Variants in NDUFS3 observed in about 807,000 individuals in gnomAD.
NDUFS3 encodes the protein NADH:ubiquinone oxidoreductase core subunit S3.
NDUFS3 carries 19 observed loss-of-function variants against 30.8 expected under a neutral mutation model. The observed-to-expected ratio is 0.62, with a 90% CI of 0.43 to 0.91. The LOEUF (loss-of-function observed/expected upper bound fraction) is 0.91. Ranked by LOEUF, NDUFS3 falls within the 40% of genes least tolerant of loss-of-function variation. NDUFS3 has a pLI of 0.00. For missense variants in NDUFS3, 331 were observed against 342.0 expected (o/e 0.97, Z 0.25); for synonymous variants, 153 against 135.8 (o/e 1.13, Z -0.88).
intron 4 of NDUFS3, chr11:47,581,532 A>G (rs4256934): frequency 0.99 from 214,691 of 216,760 alleles, 106,350 homozygotes; most frequent in Middle Eastern, 1. Context: ...TAGAATGGTT[A>G]TAAGGATCCA....
At chr11:47,581,278 T>G (rs1424320349) in intron 4 of NDUFS3, 2 of 395,346 alleles carry the variant, frequency 5.1e-6, no homozygotes, top group Non-Finnish European at 9.6e-6. Context: ...CTCAGCCCCT[T>G]GAGTAGCTGG....
Position 47,580,642 on chromosome 11 carries a change from TTTGGGTCTGGGTC to T in NDUFS3, c.231+21_231+33del, listed in dbSNP as rs2097268164. 6.2e-7 allele frequency: 1 copy of T among 1,612,330 alleles called. No individual in the cohort carries two copies. The highest frequency in any genetic ancestry group is 2.2e-5 in the East Asian group (1 of 44,882). On this transcript the variant is annotated intron_variant, in intron 3 of 6. Transcript: ENST00000263774. ...GTTCAGGTAATACTTACTAATGTTA[TTTGGGTCTGGGTC>T]AAGAAAGAACCATGTTCGCAGGGCA... is the stretch of plus-strand genomic sequence containing the variant.
chr11:47,579,752 G>A (rs1304159067), intron 2 of NDUFS3: 2 of 286,642 alleles, frequency 7.0e-6, no homozygotes, highest in Admixed American at 4.7e-5. Context: ...TATAGATCAG[G>A]AAACAGTCCA....
chr11:47,584,353 C>T lies in NDUFS3; in HGVS notation c.667C>T (p.Pro223Ser), dbSNP rs2097270127. 6.2e-7 allele frequency: 1 copy of T among 1,614,026 alleles called. No individual in the cohort carries two copies. Among genetic ancestry groups the T allele is most frequent in the South Asian group, 1.1e-5 (1 of 91,090 alleles). Reference protein sequence around the residue: ...DDEVKRVVAEPVELAQEFRKF... With the variant: ...DDEVKRVVAESVELAQEFRKF... ...TGAAGTGAAGCGGGTGGTGGCAGAG[C>T]CGGTGGAGTTGGCCCAAGAGTTCCG... The change falls in exon 7 of 7, where the codon CCG becomes TCG. Residue 223 changes from proline (P) to serine (S), a missense_variant. Physicochemically the swap from Pro to Ser is moderately conservative, Grantham distance 74. Coordinates refer to ENST00000263774, the MANE Select transcript of NDUFS3 (RefSeq NM_004551.3).
At chr11:47,580,134 C>G (rs893754244) in intron 2 of NDUFS3, among the ~76,000 whole-genome samples, 1 of 152,048 alleles carries the variant, frequency 6.6e-6, no homozygotes, top group African/African-American at 2.4e-5. Flanking sequence ...GCTTGAGAAC[C>G]TGGTATAAAC....
chr11:47,580,703 T>C, intron 3 of NDUFS3, 81 bp downstream of exon 3: 1 of 1,585,448 alleles, frequency 6.3e-7, no homozygotes, highest in Non-Finnish European at 8.7e-7. Flanking sequence ...CAGACTTGTT[T>C]CAAAGAAACT....
intron 4 of NDUFS3, chr11:47,581,714 C>T (rs1440646720): frequency 3.0e-6 from 1 of 335,392 alleles, no homozygotes; most frequent in African/African-American, 2.1e-5. Context: ...GACACCTAAA[C>T]AGCTTACTGT....
intron 4 of NDUFS3, chr11:47,581,845 TAGG>T: frequency 1.8e-6 from 1 of 542,118 alleles, no homozygotes; most frequent in Admixed American, 2.9e-5. Context: ...AAAATATGAG[TAGG>T]AGACCAGGTA....
In NDUFS3 at chr11:47,579,254, T is replaced by C. The variant is rs2097266511; in HGVS notation, c.68-15T>C. 1 of 1,614,194 alleles carries C rather than the reference T, an allele frequency of 6.2e-7. No individual in the cohort carries two copies. The highest frequency in any genetic ancestry group is 1.3e-5 in the African/African-American group (1 of 75,074). Reference sequence around the variant, plus strand: ...GCTCATCCCGCGCGTCTGTGCCTTTTATCTCCCTGTGCAGGGACTGGGCGA... The same window carrying C: ...GCTCATCCCGCGCGTCTGTGCCTTTCATCTCCCTGTGCAGGGACTGGGCGA... On this transcript the variant is annotated splice_polypyrimidine_tract_variant and intron_variant, in intron 1 of 6. Transcript: ENST00000263774.
chr11:47,582,248 C>T (rs1231646555), intron 5 of NDUFS3, 35 bp downstream of exon 5: 4 of 1,614,094 alleles, frequency 2.5e-6, no homozygotes, highest in South Asian at 1.1e-5. Flanking sequence ...TGCCTCTGGG[C>T]CACAGTTGCA....
At position 47,584,477 on chromosome 11, in the gene NDUFS3, A is replaced by G. The variant is rs2097270224; in HGVS notation, c.791A>G (p.Lys264Arg). 2.5e-6 allele frequency: 4 copies of G among 1,614,100 alleles called. No homozygotes were observed. The highest frequency in any genetic ancestry group is 2.2e-5 in the East Asian group (1 of 44,878). ...GCCGGAGACAAGAAGCCTGATGCCAAGTAGCTCCAGGGAACGCATGTGGAT... is the reference window on the plus strand; with the variant it reads ...GCCGGAGACAAGAAGCCTGATGCCAGGTAGCTCCAGGGAACGCATGTGGAT... ...LEAGDKKPDA[K>R] The change falls in exon 7 of 7, where the codon AAG (lysine) becomes AGG (arginine). Residue 264 changes from lysine to arginine, a missense_variant. Lys to Arg is a conservative substitution (Grantham distance 26, BLOSUM62 2). Transcript: ENST00000263774.
Position 47,582,232 on chromosome 11 carries a change from TGGACCTGCCTCTGG to T in NDUFS3, c.507+21_507+34del, listed in dbSNP as rs775191064. 1 of 1,614,110 alleles carries T rather than the reference TGGACCTGCCTCTGG, an allele frequency of 6.2e-7. No homozygotes were observed. Among genetic ancestry groups the T allele is most frequent in the African/African-American group, 1.3e-5 (1 of 74,938 alleles). ...AAGGGAGGTGAGTTACCGGATATGG[TGGACCTGCCTCTGG>T]GCCACAGTTGCAGAACTGGTTCAGA... On this transcript the variant is annotated intron_variant, in intron 5 of 6. Coordinates refer to ENST00000263774, the MANE Select transcript of NDUFS3 (RefSeq NM_004551.3).
intron 2 of NDUFS3, 25 bp from the exon 3 acceptor site, chr11:47,580,500 T>G (rs772605774): frequency 6.2e-7 from 1 of 1,613,034 alleles, no homozygotes; most frequent in East Asian, 2.2e-5. Flanking sequence ...TCCATTTCTT[T>G]TTTAAATATG....
rs754995990 is a variant in NDUFS3, at chr11:47,582,107, C to G, written c.401C>G (p.Ser134Cys). ...NRFEIVYNLL[S>C]LRFNSRIRVK... ...CCCTAGATTGTCTACAACCTGTTGTCTCTGCGCTTCAACTCACGGATCCGT... is the reference window on the plus strand; with the variant it reads ...CCCTAGATTGTCTACAACCTGTTGTGTCTGCGCTTCAACTCACGGATCCGT... The change falls in exon 5 of 7, where the codon TCT becomes TGT. Residue 134 changes from serine (S) to cysteine (C), a missense_variant. Transcript: ENST00000263774. The G allele has an allele frequency of 1.8e-5, 29 of 1,614,012 alleles. No individual in the cohort carries two copies. The highest frequency in any genetic ancestry group is 2.2e-5 in the Non-Finnish European group (26 of 1,180,042).
intron 1 of NDUFS3, 21 bp from the exon 2 acceptor site, chr11:47,579,248 G>T (rs1345418512): frequency 6.2e-7 from 1 of 1,614,184 alleles, no homozygotes; most frequent in Non-Finnish European, 8.5e-7. Flanking sequence ...GCGCGTCTGT[G>T]CCTTTTATCT....
chr11:47,581,909 G>A, intron 4 of NDUFS3, 179 bp from the exon 5 acceptor site: 1 of 793,270 alleles, frequency 1.3e-6, no homozygotes, highest in South Asian at 1.4e-5. Context: ...AATAGCATGA[G>A]CAAACACAGG....
chr11:47,580,759 C>T, intron 3 of NDUFS3, 76 bp from the exon 4 acceptor site: 1 of 1,605,266 alleles, frequency 6.2e-7, no homozygotes, highest in Non-Finnish European at 8.5e-7. Context: ...CAGCATTAAA[C>T]CAGGTGACTC....
Position 47,579,093 on chromosome 11 carries a change from T to TGGCGGC in NDUFS3, c.11_16dup (p.Ala4_Ala5dup), listed in dbSNP as rs746926923. 6.4e-7 allele frequency: 1 copy of TGGCGGC among 1,567,176 alleles called. No individual in the cohort carries two copies. The highest frequency in any genetic ancestry group is 1.9e-5 in the Admixed American group (1 of 52,904). ...CTGCCTAGTCTGCATCTGAGTAACA[T>TGGCGGC]GGCGGCGGCGGCGGTAGCCAGGCTG... On this transcript the variant is annotated inframe_insertion, in exon 1 of 7. Coordinates refer to ENST00000263774, the MANE Select transcript of NDUFS3 (RefSeq NM_004551.3).
chr11:47,579,888 T>C (rs1237062875), intron 2 of NDUFS3, among the ~76,000 whole-genome samples: 1 of 152,136 alleles, frequency 6.6e-6, no homozygotes, highest in African/African-American at 2.4e-5. Flanking sequence ...TGGTTTAGGG[T>C]TGCATGAATG....
Sources: allele counts gnomAD v4.1 joint callset (sites outside exome capture counted in the v4.1 genomes callset), GRCh38; gene constraint gnomAD v4.1.1; transcripts MANE v1.5; gene names NCBI Gene and HGNC (gene_info 2026-07-23, HGNC 2026-07-21).